The following THSD4 variants were observed in gnomAD, a reference collection of about 807,000 sequenced individuals.
THSD4 encodes thrombospondin type-1 domain-containing protein 4.
A neutral mutation model predicts 119.0 loss-of-function variants in THSD4; 69 were observed. The ratio of observed to expected loss-of-function variants is 0.58; its 90% CI spans 0.48 to 0.71. The LOEUF (loss-of-function observed/expected upper bound fraction) is 0.71, where lower values mean the gene tolerates loss of function less well. Among genes scored for constraint, THSD4 ranks in the 30% least tolerant of loss-of-function variants. THSD4 has a pLI of 0.00. For missense variants in THSD4, 1,393 were observed against 1,391.1 expected (o/e 1.00, Z -0.02); for synonymous variants, 524 against 540.4 (o/e 0.97, Z 0.42).
At chr15:71,485,546 C>A (rs897134162) in intron 7 of THSD4, among the ~76,000 whole-genome samples, 2 of 152,114 alleles carry the variant, frequency 1.3e-5, no homozygotes, top group Non-Finnish European at 2.9e-5. Flanking sequence ...CCATTGCCTC[C>A]AGAGCATTTG....
chr15:71,383,533 G>A (rs567686849), intron 6 of THSD4, among the ~76,000 whole-genome samples: 6 of 152,296 alleles, frequency 3.9e-5, no homozygotes, highest in East Asian at 1.9e-4. Context: ...CATTTTGAGA[G>A]TTTCAAATGA....
At chr15:71,199,575 TGTG>T (rs1187752651) in intron 3 of THSD4, among the ~76,000 whole-genome samples, 6 of 126,218 alleles carry the variant, frequency 4.8e-5, no homozygotes, top group Admixed American at 1.5e-4. Context: ...GTGTGTGTAG[TGTG>T]TGTGTGTGGG....
intron 3 of THSD4, among the ~76,000 whole-genome samples, chr15:71,214,677 A>T (rs2043915492): frequency 6.6e-6 from 1 of 152,212 alleles, no homozygotes; most frequent in African/African-American, 2.4e-5. Context: ...CCTTTCCGGC[A>T]GGGTGACACA....
chr15:71,461,433 A>G (rs182194796), intron 7 of THSD4, among the ~76,000 whole-genome samples: 1 of 152,310 alleles, frequency 6.6e-6, no homozygotes, highest in Non-Finnish European at 1.5e-5. Context: ...TGTGTGAGGG[A>G]CTTATAGAAG....
At chr15:71,370,970 G>A (rs1465542355) in intron 6 of THSD4, among the ~76,000 whole-genome samples, 1 of 152,164 alleles carries the variant, frequency 6.6e-6, no homozygotes, top group Non-Finnish European at 1.5e-5. Flanking sequence ...CTCCTGTATT[G>A]GGTGCATATA....
At chr15:71,523,379 T>G (rs1053863886) in intron 7 of THSD4, among the ~76,000 whole-genome samples, 1 of 152,220 alleles carries the variant, frequency 6.6e-6, no homozygotes, top group Non-Finnish European at 1.5e-5. Flanking sequence ...GTTTCTCTTC[T>G]GTGTGTCTCT....
At chr15:71,225,539 C>CTTTTTTTTTTTTTTTTTT (rs1040381361) in intron 4 of THSD4, among the ~76,000 whole-genome samples, 2 of 105,384 alleles carry the variant, frequency 1.9e-5, no homozygotes. Context: ...TTTTCTTTTT[C>CTTTTTTTTTTTTTTTTTT]TTTTTTTTTT....
In THSD4 at chr15:71,567,751, C is replaced by T. The variant is rs560415461; in HGVS notation, c.1153-92779C>T. 7.3e-5 allele frequency among the ~76,000 whole-genome samples: 11 copies of T among 151,218 alleles called. No homozygotes were observed. The South Asian group carries it at 2.3e-3, about 32-fold the overall frequency. ...GCGGTCAAAACCAGGGAAGCCAGAA[C>T]AGCTGGAGAGAGAAAGAGAGAGAGA... On this transcript the variant is annotated intron_variant, in intron 7 of 17. Transcript: ENST00000261862.
chr15:71,727,145 C>T (rs1251078480), intron 8 of THSD4, among the ~76,000 whole-genome samples: 2 of 152,040 alleles, frequency 1.3e-5, no homozygotes, highest in Admixed American at 6.6e-5. Context: ...CTATGGGCCT[C>T]ATGAACTTGA....
At chr15:71,674,060 A>G (rs776097057) in intron 8 of THSD4, among the ~76,000 whole-genome samples, 5 of 152,240 alleles carry the variant, frequency 3.3e-5, no homozygotes, top group South Asian at 4.1e-4. Flanking sequence ...AAAAGTAGAC[A>G]TGCTTCTTCT....
chr15:71,284,462 A>G (rs771557898), intron 6 of THSD4, among the ~76,000 whole-genome samples: 1 of 152,192 alleles, frequency 6.6e-6, no homozygotes, highest in Non-Finnish European at 1.5e-5. Context: ...ATTTTCAGGC[A>G]TAGGAATTAC....
intron 6 of THSD4, among the ~76,000 whole-genome samples, chr15:71,386,503 A>AG (rs980252305): frequency 9.9e-5 from 15 of 152,148 alleles, no homozygotes; most frequent in Admixed American, 3.9e-4. Context: ...AAAAGGGAAA[A>AG]GGGGCATATA....
chr15:71,497,467 C>T (rs554482481), intron 7 of THSD4, among the ~76,000 whole-genome samples: 85 of 151,450 alleles, frequency 5.6e-4, no homozygotes, highest in Non-Finnish European at 9.3e-4. Context: ...GAGCCAACGT[C>T]GCACTACAGC....
At chr15:71,707,499 G>A (rs1178251544) in intron 8 of THSD4, among the ~76,000 whole-genome samples, 2 of 152,166 alleles carry the variant, frequency 1.3e-5, no homozygotes, top group Admixed American at 1.3e-4. Flanking sequence ...GGGAACCAAG[G>A]CAACTAACCA....
chr15:71,437,372 A>AGAC (rs1183753819), intron 7 of THSD4, among the ~76,000 whole-genome samples: 2 of 152,244 alleles, frequency 1.3e-5, no homozygotes, highest in Non-Finnish European at 2.9e-5. Context: ...CCAAAATAGA[A>AGAC]GACGATGGTT....
intron 6 of THSD4, among the ~76,000 whole-genome samples, chr15:71,381,780 A>G (rs1319791909): frequency 6.6e-6 from 1 of 152,204 alleles, no homozygotes; most frequent in African/African-American, 2.4e-5. Flanking sequence ...TAGTAATCCC[A>G]CACAATTTTT....
intron 7 of THSD4, among the ~76,000 whole-genome samples, chr15:71,501,614 G>T (rs955891363): frequency 2.0e-5 from 3 of 152,228 alleles, no homozygotes; most frequent in African/African-American, 7.2e-5. Flanking sequence ...GAATAATCCA[G>T]TGTCCTCTGA....
intron 14 of THSD4, among the ~76,000 whole-genome samples, chr15:71,749,969 A>T (rs1331271549): frequency 1.3e-5 from 2 of 152,002 alleles, no homozygotes; most frequent in African/African-American, 2.4e-5. Flanking sequence ...GGCTCAAGTG[A>T]TCTGCCACCT....
At chr15:71,430,877 T>C (rs1344441429) in intron 7 of THSD4, among the ~76,000 whole-genome samples, 1 of 151,836 alleles carries the variant, frequency 6.6e-6, no homozygotes, top group Non-Finnish European at 1.5e-5. Context: ...ATTGGCTTCA[T>C]AATGTCAGCC....
Sources: gnomAD v4.1 joint callset for allele counts (sites outside exome capture counted in the v4.1 genomes callset) on GRCh38, gnomAD v4.1.1 for gene constraint, MANE v1.5 for transcripts, NCBI Gene and HGNC (gene_info 2026-07-23, HGNC 2026-07-21) for gene names.